Variants in PARN observed in about 807,000 individuals in gnomAD.
PARN encodes the protein poly(A)-specific ribonuclease, also known as poly(A)-specific ribonuclease PARN.
PARN carries 71 observed loss-of-function variants against 102.8 expected under a neutral mutation model. That is an observed-to-expected ratio of 0.69 (90% CI 0.57 to 0.84). The LOEUF is 0.84. Ranked by LOEUF, PARN falls within the 40% of genes least tolerant of loss-of-function variation. PARN has a pLI of 0.00. For missense variants in PARN, 782 were observed against 760.9 expected, an observed-to-expected ratio of 1.03 and a Z score of -0.33; for synonymous variants, 261 against 252.9, an observed-to-expected ratio of 1.03 and a Z score of -0.30.
intron 21 of PARN, among the ~76,000 whole-genome samples, chr16:14,522,916 G>A (rs894720125): frequency 6.6e-6 from 1 of 152,132 alleles, no homozygotes; most frequent in African/African-American, 2.4e-5. Flanking sequence ...CTAAAGATAA[G>A]TGGACCCAAT....
intron 21 of PARN, among the ~76,000 whole-genome samples, chr16:14,508,362 A>G (rs1243488747): frequency 6.6e-6 from 1 of 152,094 alleles, no homozygotes; most frequent in Non-Finnish European, 1.5e-5. Flanking sequence ...AGACCCCCTC[A>G]TCTCTACACC....
At chr16:14,554,495 A>G (rs1178038025) in intron 19 of PARN, among the ~76,000 whole-genome samples, 2 of 151,944 alleles carry the variant, frequency 1.3e-5, no homozygotes, top group East Asian at 3.8e-4. Flanking sequence ...CAGTGGCACA[A>G]TAATAGCTCA....
At chr16:14,574,687 T>TG (rs1285596784) in intron 18 of PARN, among the ~76,000 whole-genome samples, 1 of 152,056 alleles carries the variant, frequency 6.6e-6, no homozygotes, top group Non-Finnish European at 1.5e-5. Context: ...CACTCCAGCC[T>TG]GGGCAAGAGA....
At chr16:14,437,884 C>T (rs1160837202) in intron 23 of PARN, among the ~76,000 whole-genome samples, 4 of 152,100 alleles carry the variant, frequency 2.6e-5, no homozygotes, top group South Asian at 2.1e-4. Flanking sequence ...TTAAAAATAA[C>T]GAGGTCTGAA....
chr16:14,478,344 C>T (rs1022530812), intron 22 of PARN, among the ~76,000 whole-genome samples: 1 of 151,982 alleles, frequency 6.6e-6, no homozygotes, highest in Non-Finnish European at 1.5e-5. Flanking sequence ...AAAGACAAAA[C>T]CCATAAGACA....
chr16:14,501,435 CAAAAAAAAAAAAAAAAAAA>C (rs56703058), intron 21 of PARN: 1 of 27,592 alleles, frequency 3.6e-5, no homozygotes, highest in Non-Finnish European at 8.2e-5. Context: ...CAAGACTGTC[CAAAAAAAAAAAAAAAAAAA>C]AAAAAACAGA....
At chr16:14,464,182 T>C (rs1012394918) in intron 22 of PARN, among the ~76,000 whole-genome samples, 6 of 151,838 alleles carry the variant, frequency 4.0e-5, no homozygotes, top group Non-Finnish European at 7.4e-5. Context: ...AATCCAGAAA[T>C]CCAAGAAGCT....
At chr16:14,471,416 T>C (rs1962732051) in intron 22 of PARN, among the ~76,000 whole-genome samples, 1 of 152,166 alleles carries the variant, frequency 6.6e-6, no homozygotes, top group South Asian at 2.1e-4. Flanking sequence ...GTATTCTAGG[T>C]TTCACATCAG....
chr16:14,497,130 A>G (rs1339431000), intron 21 of PARN, among the ~76,000 whole-genome samples: 2 of 151,362 alleles, frequency 1.3e-5, no homozygotes, highest in African/African-American at 4.9e-5. Context: ...CATGAAACCC[A>G]CTCTCATACG....
intron 21 of PARN, among the ~76,000 whole-genome samples, chr16:14,489,463 T>G (rs559548055): frequency 1.2e-3 from 161 of 137,838 alleles, no homozygotes; most frequent in Non-Finnish European, 2.3e-3. Flanking sequence ...AAAAAAAAAA[T>G]TCTAGCTTTT....
chr16:14,484,598 T>C (rs1567312102), intron 21 of PARN, among the ~76,000 whole-genome samples: 1 of 152,190 alleles, frequency 6.6e-6, no homozygotes, highest in Non-Finnish European at 1.5e-5. Context: ...GTGACGAGCA[T>C]GCAGGCTGTG....
chr16:14,566,336 G>A (rs939118643), intron 18 of PARN, among the ~76,000 whole-genome samples: 1 of 152,208 alleles, frequency 6.6e-6, no homozygotes, highest in Non-Finnish European at 1.5e-5. Flanking sequence ...AGAGGAGGAG[G>A]AGGCAATGTG....
In PARN at chr16:14,554,057, C is replaced by A. The variant is rs373527624; in HGVS notation, c.1405+8G>T. ...ACCCTAAAAAGTACATCTGAACTTG[C>A]GACTTACCAAAGGCACTGAAAAGCT... On this transcript the variant is annotated splice_region_variant and intron_variant, in intron 20 of 23. Coordinates refer to ENST00000437198, the MANE Select transcript of PARN (RefSeq NM_002582.4). The A allele has an allele frequency of 2.5e-6, 4 of 1,593,770 alleles. No individual in the cohort carries two copies. In the African/African-American group the frequency reaches 5.4e-5, roughly 21 times the overall value.
At chr16:14,618,384 A>C (rs1328375507) in intron 5 of PARN, among the ~76,000 whole-genome samples, 3 of 151,712 alleles carry the variant, frequency 2.0e-5, no homozygotes, top group Non-Finnish European at 2.9e-5. Flanking sequence ...GCTGCTGGGG[A>C]GGCTGAGGCA....
intron 5 of PARN, among the ~76,000 whole-genome samples, chr16:14,626,120 C>T (rs1038373751): frequency 6.6e-6 from 1 of 151,944 alleles, no homozygotes; most frequent in Non-Finnish European, 1.5e-5. Context: ...TTTTTTTCTA[C>T]CCCCCTTTCC....
Position 14,524,331 on chromosome 16 carries a change from G to A in PARN, c.1480+27690C>T, listed in dbSNP as rs528315519. 1.9e-4 allele frequency among the ~76,000 whole-genome samples: 29 copies of A among 152,186 alleles called. No homozygotes were observed. The South Asian group carries it at 5.0e-3, about 26-fold the overall frequency. On this transcript the variant is annotated intron_variant, in intron 21 of 23. Coordinates refer to ENST00000437198, the MANE Select transcript of PARN (RefSeq NM_002582.4). ...TGCCATCATACCCTTGGTCCATCAC[G>A]GCGGTTTAGATCATCAAGATTCATT...
At chr16:14,593,840 T>C (rs763896330) in intron 12 of PARN, among the ~76,000 whole-genome samples, 4 of 151,628 alleles carry the variant, frequency 2.6e-5, no homozygotes, top group Non-Finnish European at 5.9e-5. Context: ...CTACTAAAAA[T>C]AGAAAAATTA....
At chr16:14,565,416 AAAAAAAACAAAGGAAG>A (rs1413982038) in intron 18 of PARN, among the ~76,000 whole-genome samples, 4 of 152,074 alleles carry the variant, frequency 2.6e-5, no homozygotes, top group South Asian at 2.1e-4. Flanking sequence ...AAGGCAAAAA[AAAAAAAACAAAGGAAG>A]AAAAAAACAA....
chr16:14,517,200 T>C (rs1169393761), intron 21 of PARN, among the ~76,000 whole-genome samples: 3 of 152,212 alleles, frequency 2.0e-5, no homozygotes, highest in Non-Finnish European at 2.9e-5. Context: ...GTGCGGTGTA[T>C]TTACTGCTCC....
Sources: allele counts gnomAD v4.1 joint callset (sites outside exome capture counted in the v4.1 genomes callset), GRCh38; gene constraint gnomAD v4.1.1; transcripts MANE v1.5; gene names NCBI Gene and HGNC (gene_info 2026-07-23, HGNC 2026-07-21).